CTIF: variants seen among roughly 807,000 people sequenced by gnomAD.
CTIF encodes the protein CBP80/20-dependent translation initiation factor.
A neutral mutation model predicts 66.0 loss-of-function variants in CTIF; 21 were observed. That is an observed-to-expected ratio of 0.32 (90% CI 0.23 to 0.46). CTIF has a LOEUF of 0.46. Among genes scored for constraint, CTIF ranks in the 20% least tolerant of loss-of-function variants. The pLI, the probability that CTIF is intolerant of heterozygous loss-of-function variation, is 1.00. For synonymous variants in CTIF, 345 were observed against 326.4 expected (o/e 1.06, Z -0.62); for missense variants, 739 against 812.7 (o/e 0.91, Z 1.10).
At chr18:48,617,994 TG>T (rs2090428105) in intron 1 of CTIF, among the ~76,000 whole-genome samples, 2 of 152,202 alleles carry the variant, frequency 1.3e-5, no homozygotes, top group South Asian at 4.1e-4. Flanking sequence ...GAGGAAGATG[TG>T]TGCACAGCAG....
At chr18:48,683,398 T>C (rs2091780243) in intron 6 of CTIF, among the ~76,000 whole-genome samples, 1 of 149,272 alleles carries the variant, frequency 6.7e-6, no homozygotes, top group Non-Finnish European at 1.5e-5. Context: ...GCATCAGTGG[T>C]CTCACTTCGA....
At chr18:48,574,551 C>T (rs746980958) in intron 1 of CTIF, among the ~76,000 whole-genome samples, 4 of 152,182 alleles carry the variant, frequency 2.6e-5, no homozygotes, top group South Asian at 2.1e-4. Context: ...AGCCCAGGGC[C>T]GCTTGGGACC....
chr18:48,587,030 C>T (rs994443063), intron 1 of CTIF, among the ~76,000 whole-genome samples: 4 of 152,088 alleles, frequency 2.6e-5, no homozygotes, highest in Non-Finnish European at 2.9e-5. Flanking sequence ...CTACACAACC[C>T]ACTGTGGCCA....
chr18:48,711,613 A>C lies in CTIF; in HGVS notation c.508-6A>C, dbSNP rs779626238. 1.2e-6 allele frequency: 2 copies of C among 1,613,446 alleles called. No individual in the cohort carries two copies. The highest frequency in any genetic ancestry group is 2.2e-5 in the South Asian group (2 of 91,036). ...AATGATCCCCCTTCCTCCCCCCATG[A>C]CACAGGGCTACCACCCGATGCCCCA... On this transcript the variant is annotated splice_polypyrimidine_tract_variant and splice_region_variant and intron_variant, in intron 6 of 11. Transcript: ENST00000256413.
Position 48,817,285 on chromosome 18 carries a change from C to A in CTIF, c.1436C>A (p.Thr479Asn). Residue 479 changes from threonine (T) to asparagine (N), a missense_variant, in exon 10 of 12, where the codon ACC becomes AAC. By Grantham distance (65) the Thr-to-Asn change is moderately conservative. Around this residue, in one of 2 missense-constraint regions of CTIF, gnomAD observed 210 missense variants for 292.3 expected, o/e 0.72. Coordinates refer to ENST00000256413, the MANE Select transcript of CTIF (RefSeq NM_014772.3). The part of the protein sequence containing the change: ...QDVERWLGFI[T>N]FLCEVFGTMR... ...GTGGAGCGCTGGCTGGGCTTCATCACCTTCCTGTGCGAGGTCTTCGGCACC... is the reference window on the plus strand; with the variant it reads ...GTGGAGCGCTGGCTGGGCTTCATCAACTTCCTGTGCGAGGTCTTCGGCACC... The A allele has an allele frequency of 1.9e-6, 3 of 1,614,054 alleles. No homozygotes were observed. Among genetic ancestry groups the A allele is most frequent in the Non-Finnish European group, 2.5e-6 (3 of 1,179,958 alleles).
chr18:48,572,984 C>T (rs1345694296), intron 1 of CTIF, among the ~76,000 whole-genome samples: 5 of 151,946 alleles, frequency 3.3e-5, no homozygotes, highest in Admixed American at 1.3e-4. Context: ...AAGAGCAAGA[C>T]CCTGTCTTAA....
intron 10 of CTIF, among the ~76,000 whole-genome samples, chr18:48,830,005 G>C (rs2068657296): frequency 6.6e-6 from 1 of 152,206 alleles, no homozygotes; most frequent in African/African-American, 2.4e-5. Flanking sequence ...TCAGAGTGTG[G>C]GCGGGGCCAG....
At chr18:48,554,621 C>T (rs1327097322) in intron 1 of CTIF, among the ~76,000 whole-genome samples, 1 of 152,272 alleles carries the variant, frequency 6.6e-6, no homozygotes, top group Non-Finnish European at 1.5e-5. Context: ...TTCCCAAGTT[C>T]TCCTCTCTGT....
intron 2 of CTIF, among the ~76,000 whole-genome samples, chr18:48,629,626 T>C (rs182602311): frequency 1.8e-4 from 25 of 142,208 alleles, no homozygotes; most frequent in Middle Eastern, 3.6e-3. Flanking sequence ...CCCAGTAATA[T>C]TGTTTAGAGC....
chr18:48,762,594 G>A (rs1349801915), intron 9 of CTIF, among the ~76,000 whole-genome samples: 1 of 152,206 alleles, frequency 6.6e-6, no homozygotes, highest in Non-Finnish European at 1.5e-5. Flanking sequence ...GATACAAAGT[G>A]AGTTTCTGGT....
chr18:48,774,897 G>A (rs1435081039), intron 9 of CTIF, among the ~76,000 whole-genome samples: 1 of 152,148 alleles, frequency 6.6e-6, no homozygotes. Flanking sequence ...GCGTATTGGA[G>A]CGCCACATAT....
At chr18:48,554,825 C>T (rs773377125) in intron 1 of CTIF, among the ~76,000 whole-genome samples, 4 of 152,234 alleles carry the variant, frequency 2.6e-5, no homozygotes, top group Non-Finnish European at 5.9e-5. Flanking sequence ...TGTAGCCTCC[C>T]GGGAATTGGA....
intron 10 of CTIF, among the ~76,000 whole-genome samples, chr18:48,820,463 G>A (rs2068459099): frequency 6.6e-6 from 1 of 152,040 alleles, no homozygotes; most frequent in African/African-American, 2.4e-5. Context: ...CAAATCCACA[G>A]CACCCACTTT....
chr18:48,748,249 A>T (rs1052550147), intron 7 of CTIF, among the ~76,000 whole-genome samples: 8 of 151,890 alleles, frequency 5.3e-5, no homozygotes, highest in Non-Finnish European at 1.2e-4. Context: ...CCCAAGGGGG[A>T]AAGGCTCCCC....
chr18:48,830,406 C>T (rs1308451807), intron 10 of CTIF, among the ~76,000 whole-genome samples: 2 of 152,096 alleles, frequency 1.3e-5, no homozygotes, highest in African/African-American at 2.4e-5. Flanking sequence ...TCAGGTGATC[C>T]GCCCACCTTG....
At chr18:48,850,168 C>T (rs1399079853) in intron 10 of CTIF, among the ~76,000 whole-genome samples, 3 of 152,160 alleles carry the variant, frequency 2.0e-5, no homozygotes, top group African/African-American at 7.2e-5. Flanking sequence ...CTTCGGGGCT[C>T]GTCCGTGTTG....
chr18:48,687,531 A>G (rs975592581), intron 6 of CTIF, among the ~76,000 whole-genome samples: 2 of 152,142 alleles, frequency 1.3e-5, no homozygotes, highest in Non-Finnish European at 2.9e-5. Context: ...TCCCCTGCTT[A>G]GGATTCCAGC....
chr18:48,613,846 C>T (rs954068277), intron 1 of CTIF, among the ~76,000 whole-genome samples: 5 of 152,200 alleles, frequency 3.3e-5, no homozygotes, highest in Admixed American at 2.0e-4. Context: ...TCCAGAAAGC[C>T]GTGCCCACAC....
chr18:48,606,314 A>G (rs1332733579), intron 1 of CTIF, among the ~76,000 whole-genome samples: 1 of 152,236 alleles, frequency 6.6e-6, no homozygotes, highest in Non-Finnish European at 1.5e-5. Context: ...TTGCTAGTCC[A>G]GGGCAAATGC....
Sources: gnomAD v4.1 joint callset for allele counts (sites outside exome capture counted in the v4.1 genomes callset) on GRCh38, gnomAD v4.1.1 for gene constraint, gnomAD v4.1.1 regional missense constraint, MANE v1.5 for transcripts, NCBI Gene and HGNC (gene_info 2026-07-23, HGNC 2026-07-21) for gene names.